The following PTCD1 variants were observed in gnomAD, a reference collection of about 807,000 sequenced individuals.
PTCD1 encodes pentatricopeptide repeat-containing protein 1, mitochondrial.
A neutral mutation model predicts 53.4 loss-of-function variants in PTCD1; 50 were observed. The ratio of observed to expected loss-of-function variants is 0.94; its 90% CI spans 0.75 to 1.19. The LOEUF (loss-of-function observed/expected upper bound fraction) is 1.19, where lower values mean the gene tolerates loss of function less well. PTCD1 is among the 50% of genes most tolerant of loss of function. The pLI, the probability that PTCD1 is intolerant of heterozygous loss-of-function variation, is 0.00. For synonymous variants in PTCD1, 413 were observed against 394.8 expected (o/e 1.05, Z -0.55); for missense variants, 918 against 904.8 (o/e 1.01, Z -0.19).
At chr7:99,437,187 C>T (rs990154179) in intron 1 of PTCD1, among the ~76,000 whole-genome samples, 2 of 152,166 alleles carry the variant, frequency 1.3e-5, no homozygotes, top group African/African-American at 2.4e-5. Context: ...AATTACAATA[C>T]ACAGAATTAC....
At position 99,417,686 on chromosome 7, in the gene PTCD1, G is replaced by A. The variant is rs1036738356; in HGVS notation, c.*2281C>T. 2 of 1,563,964 alleles carry A rather than the reference G, an allele frequency of 1.3e-6. No individual in the cohort carries two copies. The highest frequency in any genetic ancestry group is 1.7e-6 in the Non-Finnish European group (2 of 1,160,846). On this transcript the variant is annotated 3_prime_UTR_variant, in exon 8 of 8. Transcript: ENST00000292478. Reference sequence around the variant, plus strand: ...GGATCTTATGTTATTTGGTTGGGCTGGAATGTCGTTTTGTCCCTGGATGTC... The same window carrying A: ...GGATCTTATGTTATTTGGTTGGGCTAGAATGTCGTTTTGTCCCTGGATGTC...
At chr7:99,430,892 C>T (rs1007928713) in intron 3 of PTCD1, among the ~76,000 whole-genome samples, 4 of 151,910 alleles carry the variant, frequency 2.6e-5, no homozygotes, top group African/African-American at 4.8e-5. Context: ...GCCAACATGG[C>T]GAAACCCCGT....
chr7:99,432,445 T>C (rs931745472), intron 3 of PTCD1, among the ~76,000 whole-genome samples: 1 of 152,170 alleles, frequency 6.6e-6, no homozygotes, highest in Non-Finnish European at 1.5e-5. Context: ...TTAAACTTAT[T>C]TATGACACAG....
intron 1 of PTCD1, among the ~76,000 whole-genome samples, chr7:99,437,593 G>A (rs28464943): frequency 1.3e-5 from 2 of 152,074 alleles, no homozygotes; most frequent in African/African-American, 2.4e-5. Context: ...GTGAGCCACC[G>A]CGCCCGGCCG....
Position 99,417,830 on chromosome 7 carries a change from TG to T in PTCD1, c.*2136del. 6.8e-7 allele frequency: 1 copy of T among 1,476,706 alleles called. No homozygotes were observed. The highest frequency in any genetic ancestry group is 9.0e-7 in the Non-Finnish European group (1 of 1,115,624). 91.5% of individuals were successfully genotyped at this position (1,476,706 alleles called of 1,614,324 possible). ...TCAACTCCACTTTTGGGCAAATTAC[TG>T]AACCCCTTTCCTCACTTAGGAAATG... On this transcript the variant is annotated 3_prime_UTR_variant, in exon 8 of 8. Transcript: ENST00000292478.
chr7:99,428,678 T>C (rs1392766513), intron 5 of PTCD1, among the ~76,000 whole-genome samples: 1 of 151,570 alleles, frequency 6.6e-6, no homozygotes, highest in Middle Eastern at 3.2e-3. Flanking sequence ...GAGGCGGAGG[T>C]TGCAGTGAGC....
intron 7 of PTCD1, among the ~76,000 whole-genome samples, chr7:99,421,990 T>C (rs957166635): frequency 6.6e-6 from 1 of 152,144 alleles, no homozygotes; most frequent in African/African-American, 2.4e-5. Context: ...TCTATGATAG[T>C]CTTGTGACTG....
intron 2 of PTCD1, among the ~76,000 whole-genome samples, chr7:99,433,859 C>G (rs1435170357): frequency 6.6e-6 from 1 of 152,070 alleles, no homozygotes; most frequent in Non-Finnish European, 1.5e-5. Flanking sequence ...CGAGACCAGC[C>G]TGGCCAACAT....
At position 99,421,448 on chromosome 7, in the gene PTCD1, GAAAA is replaced by G. The variant is rs1034669390; in HGVS notation, c.1921-1303_1921-1300del. Among the ~76,000 whole-genome samples the G allele has an allele frequency of 4.6e-4, 65 of 141,248 alleles. No individual in the cohort carries two copies. The East Asian group carries it at 0.011, about 24-fold the overall frequency. 92.7% of individuals were successfully genotyped at this position (141,248 alleles called of 152,430 possible). A position where few individuals can be genotyped will look rare whatever the true frequency, so the allele number is the denominator to read the frequency against. ...TCTCTTTAAAAAAAAAAAAAAAAAA[GAAAA>G]AAGAAAATGCGGCACGGCATGGGGG... On this transcript the variant is annotated intron_variant, in intron 7 of 7. Coordinates refer to ENST00000292478, the MANE Select transcript of PTCD1 (RefSeq NM_015545.4).
rs1395974045 is a variant in PTCD1 at position 99,419,280 on chromosome 7, G to C, written c.*687C>G. On this transcript the variant is annotated 3_prime_UTR_variant, in exon 8 of 8. Transcript: ENST00000292478. ...TGTCAAGGAAGGGTTTCTGAGGTGTGTCCCTATATGGCATGGTGGCAGGTC... is the reference window on the plus strand; with the variant it reads ...TGTCAAGGAAGGGTTTCTGAGGTGTCTCCCTATATGGCATGGTGGCAGGTC... The C allele has an allele frequency of 2.3e-6, 3 of 1,332,364 alleles. No individual in the cohort carries two copies. The highest frequency in any genetic ancestry group is 2.9e-5 in the African/African-American group (2 of 69,628). 82.5% of individuals were successfully genotyped at this position (1,332,364 alleles called of 1,614,324 possible).
chr7:99,430,878 C>T (rs573596655), intron 3 of PTCD1, among the ~76,000 whole-genome samples: 1 of 152,152 alleles, frequency 6.6e-6, no homozygotes, highest in Non-Finnish European at 1.5e-5. Context: ...TCGAGACCAG[C>T]CTGGCCAACA....
In PTCD1 at chr7:99,427,984, G is replaced by A. The variant is rs11979174; in HGVS notation, c.915+1119C>T. On this transcript the variant is annotated intron_variant, in intron 5 of 7. Transcript: ENST00000292478. ...AAACACTGCAGAAGGCCGCAGGGTCGTCTGCCTAGGAAAACCAGAGACCTT... is the reference window on the plus strand; with the variant it reads ...AAACACTGCAGAAGGCCGCAGGGTCATCTGCCTAGGAAAACCAGAGACCTT... 7.9e-4 allele frequency among the ~76,000 whole-genome samples: 118 copies of A among 149,208 alleles called. 1 individual carries two copies. Among genetic ancestry groups the A allele is most frequent in the Non-Finnish European group, 7.1e-4 (48 of 67,758 alleles).
intron 3 of PTCD1, among the ~76,000 whole-genome samples, chr7:99,430,219 G>T (rs1330453356): frequency 1.3e-5 from 2 of 152,234 alleles, no homozygotes; most frequent in African/African-American, 2.4e-5. Context: ...CTTGAAACCA[G>T]GCATGCCTGT....
At chr7:99,424,109 A>G in intron 6 of PTCD1, 152 bp from the exon 7 acceptor site, 1 of 1,153,194 alleles carries the variant, frequency 8.7e-7, no homozygotes, top group Non-Finnish European at 1.3e-6. Context: ...ATCCCTCTCC[A>G]GCAGGAAAGC....
At position 99,418,206 on chromosome 7, in the gene PTCD1, A is replaced by G; in HGVS notation, c.*1761T>C. On this transcript the variant is annotated 3_prime_UTR_variant, in exon 8 of 8. Coordinates refer to ENST00000292478, the MANE Select transcript of PTCD1 (RefSeq NM_015545.4). Reference sequence around the variant, plus strand: ...GGTCTCGAACTCCCGACCTCAGGTGATCCACCCGCCTCAGCCTCCCAAAGT... The same window carrying G: ...GGTCTCGAACTCCCGACCTCAGGTGGTCCACCCGCCTCAGCCTCCCAAAGT... 5.7e-6 allele frequency: 1 copy of G among 174,354 alleles called. No homozygotes were observed. Among genetic ancestry groups the G allele is most frequent in the Non-Finnish European group, 1.2e-5 (1 of 82,238 alleles). The allele number at this position is 174,354 out of a possible 1,614,324, so 10.8% of individuals were successfully genotyped here. A position where few individuals can be genotyped will look rare whatever the true frequency, so the allele number is the denominator to read the frequency against.
At chr7:99,432,730 C>T (rs887378695) in intron 3 of PTCD1, among the ~76,000 whole-genome samples, 26 of 152,194 alleles carry the variant, frequency 1.7e-4, no homozygotes, top group African/African-American at 4.8e-4. Flanking sequence ...TCCCACCTGA[C>T]GAGAAACGCC....
chr7:99,423,831 C>G lies in PTCD1; in HGVS notation c.1864G>C (p.Glu622Gln). ...AACTCCAGCTGGCGGATGACCACTT[C>G]GTTCACCGGGACCCTGTTCTGCTTC... ...DMKQNRVPVN[E>Q]VVIRQLEFAA... is the part of the protein sequence containing the mutation. The change falls in exon 7 of 8, where the codon GAA becomes CAA. Residue 622 changes from glutamate to glutamine, a missense_variant. Physicochemically the swap from Glu to Gln is conservative, Grantham distance 29. Transcript: ENST00000292478. 3 of 1,614,174 alleles carry G rather than the reference C, an allele frequency of 1.9e-6. No homozygotes were observed. The highest frequency in any genetic ancestry group is 1.7e-5 in the Admixed American group (1 of 60,010).
chr7:99,429,503 TGAG>T, intron 4 of PTCD1, 82 bp downstream of exon 4: 1 of 1,587,666 alleles, frequency 6.3e-7, no homozygotes, highest in Non-Finnish European at 8.6e-7. Flanking sequence ...CCTTCCTACA[TGAG>T]GAGAGACAGA....
In PTCD1 at chr7:99,421,656, G is replaced by T. The variant is rs56992635; in HGVS notation, c.1921-1507C>A. ...TGTAATCCCAGCAACTCGGGAGGCT[G>T]AGGCAGGAAAATCACTTGAACCTGG... On this transcript the variant is annotated intron_variant, in intron 7 of 7. Transcript: ENST00000292478. Among the ~76,000 whole-genome samples, 707 of 151,314 alleles carry T rather than the reference G, an allele frequency of 4.7e-3. 7 individuals are homozygous for T. Among genetic ancestry groups the T allele is most frequent in the African/African-American group, 0.016 (653 of 41,178 alleles).
Sources: gnomAD v4.1 joint callset for allele counts (sites outside exome capture counted in the v4.1 genomes callset) on GRCh38, gnomAD v4.1.1 for gene constraint, MANE v1.5 for transcripts, NCBI Gene and HGNC (gene_info 2026-07-23, HGNC 2026-07-21) for gene names.